PCNX3: variants seen among roughly 807,000 people sequenced by gnomAD.
PCNX3 encodes pecanex-like protein 3.
In PCNX3, 58 loss-of-function variants were observed where a neutral mutation model predicts 207.2. The ratio of observed to expected loss-of-function variants is 0.28; its 90% confidence interval spans 0.23 to 0.35. The LOEUF (loss-of-function observed/expected upper bound fraction) is 0.35. Ranked by LOEUF, PCNX3 falls within the 10% of genes least tolerant of loss-of-function variation. The pLI, the probability that PCNX3 is intolerant of heterozygous loss-of-function variation, is 1.00. For missense variants in PCNX3, 2,410 were observed against 2,774.4 expected, an observed-to-expected ratio of 0.87 and a Z score of 2.95; for synonymous variants, 1,337 against 1,183.5, an observed-to-expected ratio of 1.13 and a Z score of -2.66.
chr11:65,631,834 C>T (rs1426452538), intron 27 of PCNX3, among the ~76,000 whole-genome samples: 1 of 152,074 alleles, frequency 6.6e-6, no homozygotes, highest in Non-Finnish European at 1.5e-5. Flanking sequence ...CACCTAGGTT[C>T]TCTCTGGAGT....
In PCNX3 at chr11:65,632,506, G is replaced by T. The variant is rs181259113; in HGVS notation, c.4471-1620G>T. Among the ~76,000 whole-genome samples the T allele has an allele frequency of 4.9e-5, 7 of 143,098 alleles. No individual in the cohort carries two copies. The East Asian group carries it at 1.4e-3, about 29-fold the overall frequency. 93.9% of individuals were successfully genotyped at this position (143,098 alleles called of 152,430 possible). A position where few individuals can be genotyped will look rare whatever the true frequency, so the allele number is the denominator to read the frequency against. ...GGAAGGGCTACAAGAGCAGGAAAAG[G>T]CACCGTGGCTTGAGGCTGCACGGAG... On this transcript the variant is annotated intron_variant, in intron 27 of 34. Coordinates refer to ENST00000355703, the MANE Select transcript of PCNX3 (RefSeq NM_032223.4).
Position 65,625,524 on chromosome 11 carries a change from G to T in PCNX3, c.3135+14G>T. ...CGCCAGTCGGTGGTGAGGGGGCGGG[G>T]GGTGGGGGTCTGTGGGGAGGTGGTG... On this transcript the variant is annotated intron_variant, in intron 18 of 34. Coordinates refer to ENST00000355703, the MANE Select transcript of PCNX3 (RefSeq NM_032223.4). This position sits in a 1 kb window ranked among gnomAD's most constrained non-coding sequence, Gnocchi z 5.6. The T allele has an allele frequency of 1.3e-6, 2 of 1,594,566 alleles. No homozygotes were observed. The highest frequency in any genetic ancestry group is 2.2e-5 in the East Asian group (1 of 44,564).
rs373830556 is a variant in PCNX3 at position 65,627,470 on chromosome 11, C to A, written c.3590C>A (p.Pro1197Gln). ...CTGCGCTCAGCCTTCTGCTGCCCCC[C>A]ACAGCAGTACCTGACGTTGGCCTTC... ...KLLRSAFCCP[P>Q]QQYLTLAFTV... Residue 1197 changes from proline to glutamine, a missense_variant, in exon 22 of 35, where the codon CCA (proline) becomes CAA (glutamine). By Grantham distance (76) the Pro-to-Gln change is moderately conservative. Around this residue, in one of 8 missense-constraint regions of PCNX3, gnomAD observed 333 missense variants for 386.8 expected, o/e 0.86. Transcript: ENST00000355703. The A allele has an allele frequency of 1.9e-5, 30 of 1,613,560 alleles. No homozygotes were observed. In the East Asian group the frequency reaches 2.7e-4, roughly 14 times the overall value.
chr11:65,619,358 T>G (rs1457870956), intron 6 of PCNX3, 179 bp from the exon 7 acceptor site: 1 of 861,648 alleles, frequency 1.2e-6, no homozygotes, highest in Non-Finnish European at 1.4e-6. Context: ...CCGATCAGTG[T>G]CATCCTTGTT....
Position 65,634,111 on chromosome 11 carries a change from C to T in PCNX3, c.4471-15C>T. ...GGCCGGGACCCCGGCCTGACGCCTG[C>T]CCCTCCTCTCCCAGAGCATCATCTA... On this transcript the variant is annotated splice_polypyrimidine_tract_variant and intron_variant, in intron 27 of 34. Coordinates refer to ENST00000355703, the MANE Select transcript of PCNX3 (RefSeq NM_032223.4). 1.9e-6 allele frequency: 3 copies of T among 1,604,904 alleles called. No homozygotes were observed. Among genetic ancestry groups the T allele is most frequent in the Non-Finnish European group, 2.5e-6 (3 of 1,176,882 alleles).
intron 26 of PCNX3, 147 bp from the exon 27 acceptor site, chr11:65,630,204 G>C: frequency 1.6e-6 from 2 of 1,227,310 alleles, no homozygotes; most frequent in Non-Finnish European, 2.2e-6. Flanking sequence ...GCTCTTTCGT[G>C]AATCTTGGCA....
At position 65,617,265 on chromosome 11, in the gene PCNX3, G is replaced by A. The variant is rs369076457; in HGVS notation, c.357G>A (p.Glu119=). 39 of 1,606,720 alleles carry A rather than the reference G, an allele frequency of 2.4e-5. No homozygotes were observed. Among genetic ancestry groups the A allele is most frequent in the Non-Finnish European group, 3.2e-5 (38 of 1,176,696 alleles). ...DSNPPRDPGV[E]MTVFRKVSST... is the part of the protein sequence containing the mutation. ...TCACCGCCAGGGACCCCGGAGTGGA[G>A]ATGACAGTGTTCCGGAAAGTCAGTT... Residue 119 remains glutamate (E), a synonymous_variant, in exon 3 of 35, where the codon GAG becomes GAA. Transcript: ENST00000355703.
chr11:65,626,555 C>G, intron 20 of PCNX3: 1 of 432,266 alleles, frequency 2.3e-6, no homozygotes, highest in Non-Finnish European at 4.3e-6. Context: ...TACAACCAGC[C>G]TGAACCGAGG....
Position 65,627,515 on chromosome 11 carries a change from T to C in PCNX3, c.3635T>C (p.Phe1212Ser), listed in dbSNP as rs749143094. 3 of 1,613,872 alleles carry C rather than the reference T, an allele frequency of 1.9e-6. No individual in the cohort carries two copies. Among genetic ancestry groups the C allele is most frequent in the Non-Finnish European group, 2.5e-6 (3 of 1,179,864 alleles). ...GCCTTCACCGTCCTGCTCTTCCACTTTGACTACCCGCGCCTCTCCCAGGGC... is the reference window on the plus strand; with the variant it reads ...GCCTTCACCGTCCTGCTCTTCCACTCTGACTACCCGCGCCTCTCCCAGGGC... ...TLAFTVLLFH[F>S]DYPRLSQGFL... The change falls in exon 22 of 35, where the codon TTT (phenylalanine) becomes TCT (serine). Residue 1212 changes from phenylalanine (F) to serine (S), a missense_variant. By Grantham distance (155) the Phe-to-Ser change is radical (BLOSUM62 -2). This residue lies in a region of PCNX3 where 333 missense variants were observed against 386.8 expected (regional missense o/e 0.86). Coordinates refer to ENST00000355703, the MANE Select transcript of PCNX3 (RefSeq NM_032223.4).
At chr11:65,632,473 T>C (rs1165841411) in intron 27 of PCNX3, among the ~76,000 whole-genome samples, 1 of 148,536 alleles carries the variant, frequency 6.7e-6, no homozygotes, top group East Asian at 2.0e-4. Context: ...GACCTGCTTC[T>C]GCAGCTGGGA....
rs1383190426 is a variant in PCNX3 at position 65,619,672 on chromosome 11, G to T, written c.1829+12G>T. On this transcript the variant is annotated intron_variant, in intron 7 of 34. Transcript: ENST00000355703. ...GGCTCGCCGCCCAGGTGAGCACCTT[G>T]CCAGCTGTGCCGAGGGGCACCGGGG... 1 of 1,589,620 alleles carries T rather than the reference G, an allele frequency of 6.3e-7. No individual in the cohort carries two copies. The highest frequency in any genetic ancestry group is 1.7e-5 in the Admixed American group (1 of 58,418).
rs1855884425 is a variant in PCNX3 at position 65,637,192 on chromosome 11, A to G, written c.*214A>G. On this transcript the variant is annotated 3_prime_UTR_variant, in exon 35 of 35. Transcript: ENST00000355703. The stretch of plus-strand genomic sequence containing the variant: ...CCAGTCCAGGGCCTGGGCTCCCCAG[A>G]TGGAGGCAGTCAGCCTCCCAGCCAG... 1.7e-6 allele frequency: 1 copy of G among 591,334 alleles called. No individual in the cohort carries two copies. The highest frequency in any genetic ancestry group is 3.0e-6 in the Non-Finnish European group (1 of 338,452). 36.6% of individuals were successfully genotyped at this position (591,334 alleles called of 1,614,324 possible).
chr11:65,616,180 C>G lies in PCNX3; in HGVS notation c.-132C>G, dbSNP rs978057957. 2.4e-5 allele frequency: 16 copies of G among 665,708 alleles called. No homozygotes were observed. Among genetic ancestry groups the G allele is most frequent in the Non-Finnish European group, 3.5e-5 (16 of 460,722 alleles). The allele number at this position is 665,708 out of a possible 1,614,324, so 41.2% of individuals were successfully genotyped here. On this transcript the variant is annotated 5_prime_UTR_variant, in exon 1 of 35. Coordinates refer to ENST00000355703, the MANE Select transcript of PCNX3 (RefSeq NM_032223.4). Reference sequence around the variant, plus strand: ...ACCCTCGCGCGGCCGAGCCCCCCTCCCCCGCTGGGGGAGGCCATGGCGTGA... The same window carrying G: ...ACCCTCGCGCGGCCGAGCCCCCCTCGCCCGCTGGGGGAGGCCATGGCGTGA...
In PCNX3 at chr11:65,618,680, C is replaced by T. The variant is rs754949156; in HGVS notation, c.1318C>T (p.Arg440Cys). The T allele has an allele frequency of 1.6e-5, 26 of 1,613,196 alleles. No individual in the cohort carries two copies. Among genetic ancestry groups the T allele is most frequent in the East Asian group, 2.2e-5 (1 of 44,872 alleles). ...LSPASSLRSQRRYSTDSSSST... is the reference protein window; with the variant it reads ...LSPASSLRSQCRYSTDSSSST... ...CCCGGCCTCCAGTCTCCGATCGCAG[C>T]GCCGCTACAGTACTGACAGCTCCTC... Residue 440 changes from arginine to cysteine, a missense_variant, in exon 6 of 35, where the codon CGC becomes TGC. Arg to Cys is a radical substitution (Grantham distance 180). Transcript: ENST00000355703.
rs565222890 is a variant in PCNX3 at position 65,618,754 on chromosome 11, A to G, written c.1392A>G (p.Gly464=). The change falls in exon 6 of 35, where the codon GGA becomes GGG. Residue 464 remains glycine (G), a synonymous_variant. Transcript: ENST00000355703. ...SPESSRGAAG[G]PRKRRAPHGA... Reference sequence around the variant, plus strand: ...AGAGCTCCCGGGGTGCAGCAGGGGGACCCCGGAAGCGGAGGGCCCCCCATG... The same window carrying G: ...AGAGCTCCCGGGGTGCAGCAGGGGGGCCCCGGAAGCGGAGGGCCCCCCATG... The G allele has an allele frequency of 3.7e-6, 6 of 1,611,288 alleles. No homozygotes were observed. The Admixed American group carries it at 1.0e-4, about 27-fold the overall frequency.
chr11:65,624,137 A>C, intron 13 of PCNX3, 58 bp from the exon 14 acceptor site: 2 of 1,571,902 alleles, frequency 1.3e-6, no homozygotes, highest in South Asian at 1.1e-5. Flanking sequence ...GAGTGTGTGC[A>C]TGTGTCAGAG....
chr11:65,636,842 C>T lies in PCNX3; in HGVS notation c.5969C>T (p.Ala1990Val), dbSNP rs1470277587. ...DVSTEASPPR[A>V]SQDIPCLDSS... The stretch of plus-strand genomic sequence containing the variant: ...AGCACTGAGGCCTCACCCCCCAGAG[C>T]TTCCCAGGACATTCCTTGCTTGGAC... Residue 1990 changes from alanine (A) to valine (V), a missense_variant, in exon 35 of 35, where the codon GCT (alanine) becomes GTT (valine). Ala to Val is a moderately conservative substitution (Grantham distance 64). Around this residue, in one of 8 missense-constraint regions of PCNX3, gnomAD observed 278 missense variants for 245.1 expected, o/e 1.13. Transcript: ENST00000355703. 1 of 1,551,152 alleles carries T rather than the reference C, an allele frequency of 6.4e-7. No homozygotes were observed. Among genetic ancestry groups the T allele is most frequent in the Non-Finnish European group, 8.7e-7 (1 of 1,147,014 alleles).
chr11:65,629,272 C>T, intron 24 of PCNX3, 85 bp from the exon 25 acceptor site: 1 of 1,412,102 alleles, frequency 7.1e-7, no homozygotes, highest in South Asian at 1.2e-5. Context: ...ATGGCGTTGA[C>T]CTTGTGGCAC....
chr11:65,635,711 G>A lies in PCNX3; in HGVS notation c.5367G>A (p.Ser1789=), dbSNP rs780084757. Residue 1789 remains serine (S), a synonymous_variant, in exon 32 of 35, where the codon TCG becomes TCA. Coordinates refer to ENST00000355703, the MANE Select transcript of PCNX3 (RefSeq NM_032223.4). The surrounding 1 kb of genome is among the most constrained non-coding windows in gnomAD (Gnocchi z 9.9). ...YPIYVSPLTT[S]LAGSHPQLRA... is the part of the protein sequence containing the mutation. ...TCTACGTGTCGCCTCTCACCACCTCGCTGGCTGGCAGCCACCCCCAGCTAC... is the reference window on the plus strand; with the variant it reads ...TCTACGTGTCGCCTCTCACCACCTCACTGGCTGGCAGCCACCCCCAGCTAC... 1.1e-5 allele frequency: 18 copies of A among 1,608,974 alleles called. No individual in the cohort carries two copies. Among genetic ancestry groups the A allele is most frequent in the South Asian group, 2.2e-5 (2 of 90,360 alleles).
Sources: gnomAD v4.1 joint callset for allele counts (sites outside exome capture counted in the v4.1 genomes callset) on GRCh38, gnomAD v4.1.1 for gene constraint, gnomAD v4.1.1 regional missense constraint, Gnocchi (gnomAD v3.1) non-coding constraint, MANE v1.5 for transcripts, NCBI Gene and HGNC (gene_info 2026-07-23, HGNC 2026-07-21) for gene names.